LRIG3: variants seen among roughly 807,000 people sequenced by gnomAD.
LRIG3 encodes the protein leucine-rich repeats and immunoglobulin-like domains protein 3.
LRIG3 carries 76 observed loss-of-function variants against 114.5 expected under a neutral mutation model. The ratio of observed to expected loss-of-function variants is 0.66; its 90% CI spans 0.55 to 0.80. LRIG3 has a LOEUF of 0.80. LRIG3 is among the 30% of genes least tolerant of loss of function. The probability of loss-of-function intolerance (pLI) is 0.00; values close to 1 mark genes in which losing one functional copy is unlikely to be tolerated. For missense variants in LRIG3, 1,239 were observed against 1,382.8 expected (o/e 0.90, Z 1.65); for synonymous variants, 512 against 519.8 (o/e 0.98, Z 0.20).
chr12:58,904,810 C>A (rs1871999163), intron 3 of LRIG3, among the ~76,000 whole-genome samples: 2 of 152,182 alleles, frequency 1.3e-5, no homozygotes, highest in Non-Finnish European at 2.9e-5. Flanking sequence ...GCCAGGGTTG[C>A]AATGGAGAAA....
At position 58,888,352 on chromosome 12, in the gene LRIG3, C is replaced by T; in HGVS notation, c.924G>A (p.Glu308=). The change falls in exon 7 of 19, where the codon GAG becomes GAA. Residue 308 remains glutamate, a synonymous_variant. Transcript: ENST00000320743. ...ACAGCTCACTGAGCTTCTGGCAGAA[C>T]TCCCAGGCATCAGGGCTGATCCTGT... ...AINRISPDAW[E]FCQKLSELDL... is the part of the protein sequence containing the mutation. The T allele has an allele frequency of 6.2e-7, 1 of 1,613,384 alleles. No homozygotes were observed. The highest frequency in any genetic ancestry group is 1.7e-4 in the Middle Eastern group (1 of 6,060).
intron 3 of LRIG3, among the ~76,000 whole-genome samples, chr12:58,891,300 G>GGT (rs1421649492): frequency 4.0e-5 from 6 of 151,782 alleles, no homozygotes; most frequent in Non-Finnish European, 8.8e-5. Flanking sequence ...ACAGTCGGGG[G>GGT]GTCTCACTAT....
At chr12:58,898,892 C>T (rs958130290) in intron 3 of LRIG3, among the ~76,000 whole-genome samples, 8 of 152,034 alleles carry the variant, frequency 5.3e-5, no homozygotes, top group Admixed American at 2.0e-4. Context: ...CTCCTGACCT[C>T]ATGATCCGCC....
chr12:58,912,621 A>C (rs951650845), intron 3 of LRIG3, among the ~76,000 whole-genome samples: 2 of 152,230 alleles, frequency 1.3e-5, no homozygotes, highest in Admixed American at 6.5e-5. Context: ...CCAGATTACA[A>C]AACTGCACTG....
At position 58,883,041 on chromosome 12, in the gene LRIG3, A is replaced by C. The variant is rs767183723; in HGVS notation, c.1317-9T>G. 2 of 1,597,812 alleles carry C rather than the reference A, an allele frequency of 1.3e-6. No individual in the cohort carries two copies. Among genetic ancestry groups the C allele is most frequent in the South Asian group, 2.2e-5 (2 of 88,904 alleles). Reference sequence around the variant, plus strand: ...TTGATGTATTTAAATGCCTGAGGAGAGTAATTACATTCAATTTGTTCTGTA... The same window carrying C: ...TTGATGTATTTAAATGCCTGAGGAGCGTAATTACATTCAATTTGTTCTGTA... On this transcript the variant is annotated splice_polypyrimidine_tract_variant and intron_variant, in intron 11 of 18. Transcript: ENST00000320743.
chr12:58,919,897 C>A, intron 1 of LRIG3, 103 bp downstream of exon 1: 6 of 1,185,116 alleles, frequency 5.1e-6, no homozygotes, highest in Non-Finnish European at 7.3e-6. Context: ...AGGAGCTATA[C>A]GGCAAAAAGG....
intron 3 of LRIG3, 74 bp from the exon 4 acceptor site, chr12:58,890,870 C>A: frequency 6.9e-7 from 1 of 1,444,276 alleles, no homozygotes; most frequent in Admixed American, 2.3e-5. Flanking sequence ...ATTTTCTATT[C>A]CTGACTGGTT....
At chr12:58,913,927 T>G (rs1872376318) in intron 3 of LRIG3, 55 bp downstream of exon 3, 2 of 1,460,500 alleles carry the variant, frequency 1.4e-6, no homozygotes, top group African/African-American at 1.4e-5. Context: ...CCTATGGAAC[T>G]CCCACTCAAG....
At chr12:58,876,745 G>T in intron 15 of LRIG3, 142 bp from the exon 16 acceptor site, 1 of 818,622 alleles carries the variant, frequency 1.2e-6, no homozygotes. Context: ...CATCTCGATT[G>T]TACAGTATTC....
At chr12:58,888,566 ATTG>A in intron 6 of LRIG3, 94 bp from the exon 7 acceptor site, 1 of 1,483,768 alleles carries the variant, frequency 6.7e-7, no homozygotes, top group Non-Finnish European at 9.1e-7. Context: ...ACAGATTCCT[ATTG>A]TTATTAGATG....
chr12:58,902,010 T>C lies in LRIG3; in HGVS notation c.384-11214A>G, dbSNP rs563076544. ...TCAACAAATGGGTTATAACCAGTTA[T>C]ATAATATAATATAGCAAGCTGTTCC... On this transcript the variant is annotated intron_variant, in intron 3 of 18. Transcript: ENST00000320743. Among the ~76,000 whole-genome samples, 7 of 152,324 alleles carry C rather than the reference T, an allele frequency of 4.6e-5. No homozygotes were observed. In the South Asian group the frequency reaches 1.4e-3, roughly 32 times the overall value.
chr12:58,907,593 C>G (rs1872113342), intron 3 of LRIG3, among the ~76,000 whole-genome samples: 1 of 152,228 alleles, frequency 6.6e-6, no homozygotes, highest in Non-Finnish European at 1.5e-5. Context: ...TTTCAGAACT[C>G]TTTCATGTAC....
intron 3 of LRIG3, among the ~76,000 whole-genome samples, chr12:58,901,695 A>G (rs771121841): frequency 2.6e-5 from 4 of 152,334 alleles, no homozygotes; most frequent in South Asian, 4.1e-4. Flanking sequence ...AGAAAATCTC[A>G]TATTTTAAGA....
At chr12:58,874,010 A>G (rs754442943) in intron 18 of LRIG3, 45 bp downstream of exon 18, 3 of 1,602,108 alleles carry the variant, frequency 1.9e-6, no homozygotes, top group Non-Finnish European at 2.6e-6. Context: ...CACAACTTGG[A>G]GTATGGATCC....
At chr12:58,885,237 AG>A (rs901654949) in intron 10 of LRIG3, among the ~76,000 whole-genome samples, 1 of 152,242 alleles carries the variant, frequency 6.6e-6, no homozygotes, top group South Asian at 2.1e-4. Context: ...AACAATGGTA[AG>A]GGGGGGTTGT....
Position 58,913,987 on chromosome 12 carries a change from G to A in LRIG3, c.378C>T (p.Leu126=). The change falls in exon 3 of 19, where the codon CTC becomes CTT. Residue 126 remains leucine (L), a synonymous_variant. Transcript: ENST00000320743. The part of the protein sequence containing the change: ...LGPVSANITL[L]SLAGNRIVEI... ...TTCTGCTGATATTCACTTACAAGGA[G>A]AGAAGTGTAATATTTGCCGAGACTG... 11 of 1,611,536 alleles carry A rather than the reference G, an allele frequency of 6.8e-6. No individual in the cohort carries two copies. Among genetic ancestry groups the A allele is most frequent in the Non-Finnish European group, 8.5e-6 (10 of 1,179,078 alleles).
chr12:58,918,627 CAT>C (rs1373576047), intron 1 of LRIG3, among the ~76,000 whole-genome samples: 1 of 152,172 alleles, frequency 6.6e-6, no homozygotes, highest in Non-Finnish European at 1.5e-5. Context: ...TGTTCAGTTC[CAT>C]ATGTTGTCAA....
rs1177441353 is a variant in LRIG3, at chr12:58,878,941, G to C, written c.1966C>G (p.Pro656Ala). Residue 656 changes from proline to alanine, a missense_variant, in exon 14 of 19, where the codon CCC (proline) becomes GCC (alanine). Pro to Ala is a conservative substitution (Grantham distance 27, BLOSUM62 -1). Coordinates refer to ENST00000320743, the MANE Select transcript of LRIG3 (RefSeq NM_153377.5). ...AARERRMHVM[P>A]EDDVFFIVDV... ...ACGATAAAGAACACGTCATCCTCGG[G>C]CATCACATGCATGCGTCTCTCCCGT... 1.2e-6 allele frequency: 2 copies of C among 1,614,170 alleles called. No individual in the cohort carries two copies. Among genetic ancestry groups the C allele is most frequent in the East Asian group, 4.5e-5 (2 of 44,876 alleles).
chr12:58,877,741 T>A lies in LRIG3; in HGVS notation c.2195A>T (p.Lys732Ile), dbSNP rs1189172223. 2 of 1,614,118 alleles carry A rather than the reference T, an allele frequency of 1.2e-6. No individual in the cohort carries two copies. The highest frequency in any genetic ancestry group is 8.5e-7 in the Non-Finnish European group (1 of 1,180,056). Residue 732 changes from lysine to isoleucine, a missense_variant, in exon 15 of 19, where the codon AAA becomes ATA. Coordinates refer to ENST00000320743, the MANE Select transcript of LRIG3 (RefSeq NM_153377.5). ...GGTTACCACCAATGGGCTATCATCT[T>A]TGGTCCAGTTCAGTTTAGGGGGAGG... ...GSPPPKLNWT[K>I]DDSPLVVTER... is the part of the protein sequence containing the mutation.
Sources: gnomAD v4.1 joint callset for allele counts (sites outside exome capture counted in the v4.1 genomes callset) on GRCh38, gnomAD v4.1.1 for gene constraint, MANE v1.5 for transcripts, NCBI Gene and HGNC (gene_info 2026-07-23, HGNC 2026-07-21) for gene names.